MAST4: variants seen among roughly 807,000 people sequenced by gnomAD.
MAST4 encodes microtubule-associated serine/threonine-protein kinase 4.
Under a neutral mutation model 162.7 loss-of-function variants are expected in MAST4, and 89 were observed. The ratio of observed to expected loss-of-function variants is 0.55; its 90% CI spans 0.46 to 0.65. MAST4 has a LOEUF of 0.65. MAST4 is among the 30% of genes least tolerant of loss of function. MAST4 has a pLI of 0.00. For synonymous variants in MAST4, 1,479 were observed against 1,361.1 expected, an observed-to-expected ratio of 1.09 and a Z score of -1.91; for missense variants, 3,153 against 3,374.0, an observed-to-expected ratio of 0.93 and a Z score of 1.62.
chr5:66,799,595 G>A (rs956487534), intron 3 of MAST4, among the ~76,000 whole-genome samples: 2 of 152,142 alleles, frequency 1.3e-5, no homozygotes, highest in African/African-American at 2.4e-5. Context: ...AACTTTGAGA[G>A]CTCTGCTTTT....
At position 67,130,523 on chromosome 5, in the gene MAST4, G is replaced by A. The variant is rs1012382923; in HGVS notation, c.1954+105G>A. The A allele has an allele frequency of 1.1e-5, 12 of 1,125,472 alleles. No individual in the cohort carries two copies. In the African/African-American group the frequency reaches 1.6e-4, roughly 15 times the overall value. 69.7% of individuals were successfully genotyped at this position (1,125,472 alleles called of 1,614,324 possible). On this transcript the variant is annotated intron_variant, in intron 15 of 28. Coordinates refer to ENST00000403625, the MANE Select transcript of MAST4 (RefSeq NM_001164664.2). ...CCACATAATGGCTGTATCCACCTAG[G>A]AACTGAAGCCAGGCAATGAAATGGC...
At position 67,152,692 on chromosome 5, in the gene MAST4, G is replaced by A. The variant is rs1483162197; in HGVS notation, c.3351G>A (p.Ser1117=). Residue 1117 remains serine (S), a synonymous_variant, in exon 25 of 29, where the codon TCG becomes TCA. Coordinates refer to ENST00000403625, the MANE Select transcript of MAST4 (RefSeq NM_001164664.2). ...GSPMSPHSLS[S]DPSSSRDSSP... ...CAATGTCTCCCCATTCCCTGTCCTC[G>A]GACCCTTCTTCTTCACGAGATTCCT... 6.2e-6 allele frequency: 10 copies of A among 1,613,840 alleles called. No homozygotes were observed. Among genetic ancestry groups the A allele is most frequent in the Admixed American group, 1.7e-5 (1 of 60,004 alleles).
chr5:67,090,290 T>G, intron 6 of MAST4, 59 bp downstream of exon 6: 1 of 1,295,138 alleles, frequency 7.7e-7, no homozygotes, highest in Non-Finnish European at 1.1e-6. Context: ...CATTTTCCTC[T>G]CCCTCTCCCC....
chr5:67,139,883 G>A (rs1770147246), intron 19 of MAST4, among the ~76,000 whole-genome samples: 2 of 152,166 alleles, frequency 1.3e-5, no homozygotes, highest in South Asian at 4.1e-4. Flanking sequence ...CGTAAGTGAG[G>A]CACAAAGGCC....
At chr5:66,726,405 A>T (rs1171971910) in intron 1 of MAST4, among the ~76,000 whole-genome samples, 1 of 152,164 alleles carries the variant, frequency 6.6e-6, no homozygotes, top group African/African-American at 2.4e-5. Context: ...TCAAAGGCAG[A>T]GGAAGAGCAC....
intron 3 of MAST4, among the ~76,000 whole-genome samples, chr5:66,808,895 C>T (rs973537184): frequency 3.3e-5 from 5 of 152,208 alleles, no homozygotes; most frequent in East Asian, 1.9e-4. Context: ...TCCCTGCCTT[C>T]GTGGAAATTA....
intron 3 of MAST4, among the ~76,000 whole-genome samples, chr5:66,838,407 T>C (rs996670534): frequency 2.0e-5 from 3 of 152,190 alleles, no homozygotes; most frequent in African/African-American, 7.2e-5. Flanking sequence ...TTAATGATAA[T>C]AATAGCATAT....
At chr5:66,879,184 C>T (rs1234946063) in intron 3 of MAST4, among the ~76,000 whole-genome samples, 1 of 152,070 alleles carries the variant, frequency 6.6e-6, no homozygotes, top group African/African-American at 2.4e-5. Context: ...GAGGCTGAGG[C>T]AGGAGAATGG....
At chr5:66,693,602 A>G (rs1277808903) in intron 1 of MAST4, among the ~76,000 whole-genome samples, 3 of 152,108 alleles carry the variant, frequency 2.0e-5, no homozygotes, top group Non-Finnish European at 2.9e-5. Context: ...GCTAGATGCT[A>G]TCAGATGTCT....
At chr5:66,965,844 T>C (rs904153578) in intron 4 of MAST4, among the ~76,000 whole-genome samples, 2 of 152,176 alleles carry the variant, frequency 1.3e-5, no homozygotes, top group African/African-American at 4.8e-5. Flanking sequence ...AGAAGATGTT[T>C]TGAATAAGGA....
At chr5:67,006,472 C>G (rs971175054) in intron 4 of MAST4, among the ~76,000 whole-genome samples, 10 of 152,188 alleles carry the variant, frequency 6.6e-5, no homozygotes, top group African/African-American at 2.2e-4. Context: ...ATGAACTAGG[C>G]CACTGCTCAA....
rs559004774 is a variant in MAST4 at position 66,605,502 on chromosome 5, A to G, written c.363+8484A>G. On this transcript the variant is annotated intron_variant, in intron 1 of 28. Transcript: ENST00000403625. ...CGAATGAGAGGAAAATTACTTGTCA[A>G]GTAAGACTGTCCCTTTGCCTTATAT... Among the ~76,000 whole-genome samples, 17 of 152,340 alleles carry G rather than the reference A, an allele frequency of 1.1e-4. No individual in the cohort carries two copies. In the East Asian group the frequency reaches 3.3e-3, roughly 29 times the overall value.
At chr5:67,122,002 AATG>A (rs1325696227) in intron 14 of MAST4, among the ~76,000 whole-genome samples, 1 of 152,066 alleles carries the variant, frequency 6.6e-6, no homozygotes, top group Non-Finnish European at 1.5e-5. Context: ...TAAATAATCT[AATG>A]ATATTAATGG....
At chr5:66,927,832 C>T (rs1231418269) in intron 4 of MAST4, among the ~76,000 whole-genome samples, 1 of 152,180 alleles carries the variant, frequency 6.6e-6, no homozygotes, top group Non-Finnish European at 1.5e-5. Context: ...AATCCAAGAT[C>T]ATAGTGTTTG....
intron 2 of MAST4, among the ~76,000 whole-genome samples, chr5:66,762,733 T>C (rs543130112): frequency 6.6e-6 from 1 of 152,370 alleles, no homozygotes; most frequent in South Asian, 2.1e-4. Flanking sequence ...TCTAATCTGT[T>C]ACTTAACAAC....
Position 67,163,788 on chromosome 5 carries a change from G to A in MAST4, c.4609G>A (p.Val1537Met). The A allele has an allele frequency of 6.2e-7, 1 of 1,611,984 alleles. No homozygotes were observed. Among genetic ancestry groups the A allele is most frequent in the Non-Finnish European group, 8.5e-7 (1 of 1,178,976 alleles). Reference sequence around the variant, plus strand: ...CCGCGACAAGCTGAAGGCCAAGGTGGTGGTGAAGAAAGCAGACGGCTTCCC... The same window carrying A: ...CCGCGACAAGCTGAAGGCCAAGGTGATGGTGAAGAAAGCAGACGGCTTCCC... ...LDRDKLKAKV[V>M]VKKADGFPEK... Residue 1537 changes from valine to methionine, a missense_variant, in exon 29 of 29, where the codon GTG becomes ATG. Coordinates refer to ENST00000403625, the MANE Select transcript of MAST4 (RefSeq NM_001164664.2). The surrounding 1 kb of genome is among the most constrained non-coding windows in gnomAD (Gnocchi z 7.0).
intron 14 of MAST4, among the ~76,000 whole-genome samples, chr5:67,121,703 C>T (rs1334546435): frequency 6.6e-6 from 1 of 151,118 alleles, no homozygotes; most frequent in Non-Finnish European, 1.5e-5. Context: ...ACAAAAAACT[C>T]ATAATATTTT....
chr5:66,834,999 G>T (rs1048853996), intron 3 of MAST4, among the ~76,000 whole-genome samples: 4 of 152,068 alleles, frequency 2.6e-5, no homozygotes, highest in African/African-American at 9.7e-5. Flanking sequence ...GGATTCCCAG[G>T]GGTCTGCCCT....
intron 4 of MAST4, among the ~76,000 whole-genome samples, chr5:66,990,736 G>A (rs977913657): frequency 2.0e-5 from 3 of 152,100 alleles, no homozygotes; most frequent in African/African-American, 7.2e-5. Flanking sequence ...AAACTTACCT[G>A]GTCATGTTTC....
Sources: gnomAD v4.1 joint callset for allele counts (sites outside exome capture counted in the v4.1 genomes callset) on GRCh38, gnomAD v4.1.1 for gene constraint, Gnocchi (gnomAD v3.1) non-coding constraint, MANE v1.5 for transcripts, NCBI Gene and HGNC (gene_info 2026-07-23, HGNC 2026-07-21) for gene names.